SPOCK3: variants seen among roughly 807,000 people sequenced by gnomAD.
SPOCK3 encodes the protein SPARC (osteonectin), cwcv and kazal like domains proteoglycan 3.
SPOCK3 carries 30 observed loss-of-function variants against 56.6 expected under a neutral mutation model. That is an observed-to-expected ratio of 0.53 (90% CI 0.40 to 0.72). The LOEUF is 0.72. Among genes scored for constraint, SPOCK3 ranks in the 30% least tolerant of loss-of-function variants. The pLI is 0.00. For synonymous variants in SPOCK3, 196 were observed against 183.3 expected, an observed-to-expected ratio of 1.07 and a Z score of -0.56; for missense variants, 527 against 530.0, an observed-to-expected ratio of 0.99 and a Z score of 0.06.
At chr4:166,745,344 A>T (rs1243089335) in intron 8 of SPOCK3, among the ~76,000 whole-genome samples, 1 of 152,222 alleles carries the variant, frequency 6.6e-6, no homozygotes, top group African/African-American at 2.4e-5. Context: ...CAACATTCTT[A>T]AAGAAAAGTA....
At chr4:166,930,132 G>T (rs962340237) in intron 4 of SPOCK3, among the ~76,000 whole-genome samples, 2 of 151,662 alleles carry the variant, frequency 1.3e-5, no homozygotes, top group Non-Finnish European at 1.5e-5. Context: ...AGATATAATC[G>T]ACTGACTTTG....
At chr4:166,830,675 A>G in intron 6 of SPOCK3, among the ~76,000 whole-genome samples, 1 of 152,156 alleles carries the variant, frequency 6.6e-6, no homozygotes, top group Non-Finnish European at 1.5e-5. Flanking sequence ...TAGAGGTTGC[A>G]GTGAGCCAAG....
chr4:167,017,323 G>A (rs1349511252), intron 3 of SPOCK3, among the ~76,000 whole-genome samples: 1 of 152,062 alleles, frequency 6.6e-6, no homozygotes, highest in African/African-American at 2.4e-5. Flanking sequence ...AACCTTGGGA[G>A]GAGAGCTGCT....
At chr4:166,896,840 T>C (rs1052414426) in intron 5 of SPOCK3, among the ~76,000 whole-genome samples, 5 of 152,196 alleles carry the variant, frequency 3.3e-5, no homozygotes, top group Admixed American at 2.6e-4. Flanking sequence ...TAGGAACTTT[T>C]CCAACTACAT....
chr4:167,171,828 T>C (rs1730523810), intron 2 of SPOCK3, among the ~76,000 whole-genome samples: 1 of 150,886 alleles, frequency 6.6e-6, no homozygotes, highest in Non-Finnish European at 1.5e-5. Flanking sequence ...CTCTTGTACA[T>C]GGGACGAGAC....
At position 166,831,705 on chromosome 4, in the gene SPOCK3, A is replaced by AT. The variant is rs367782923; in HGVS notation, c.590-39417dup. 4.6e-3 allele frequency among the ~76,000 whole-genome samples: 433 copies of AT among 95,134 alleles called. 4 individuals are homozygous for AT. In the East Asian group the frequency reaches 0.065, roughly 14 times the overall value. The allele number at this position is 95,134 out of a possible 152,430, so 62.4% of individuals were successfully genotyped here. ...GTAGTCTTGTCTATTATATGGACCT[A>AT]TTTTTTTTTTTTTCGAAAACATCTT... On this transcript the variant is annotated intron_variant, in intron 6 of 10. Transcript: ENST00000357545.
At chr4:166,968,575 T>C (rs1228354296) in intron 4 of SPOCK3, among the ~76,000 whole-genome samples, 1 of 152,178 alleles carries the variant, frequency 6.6e-6, no homozygotes, top group Non-Finnish European at 1.5e-5. Context: ...GTGGCTTCCA[T>C]GTGATGTTGG....
chr4:167,101,687 A>T (rs1759659310), intron 2 of SPOCK3, among the ~76,000 whole-genome samples: 1 of 150,504 alleles, frequency 6.6e-6, no homozygotes. Context: ...AAGACTCACC[A>T]GTATCTTCAA....
At chr4:167,070,052 C>T (rs966859597) in intron 2 of SPOCK3, among the ~76,000 whole-genome samples, 1 of 152,074 alleles carries the variant, frequency 6.6e-6, no homozygotes. Flanking sequence ...AAAGCAACAA[C>T]CATCACTGTT....
chr4:167,228,306 A>T (rs1271068996), intron 2 of SPOCK3, among the ~76,000 whole-genome samples: 1 of 152,180 alleles, frequency 6.6e-6, no homozygotes, highest in African/African-American at 2.4e-5. Flanking sequence ...CAACATACAT[A>T]GAGTAATTTG....
chr4:167,094,386 G>T (rs573846024), intron 2 of SPOCK3, among the ~76,000 whole-genome samples: 2 of 151,856 alleles, frequency 1.3e-5, no homozygotes, highest in Non-Finnish European at 2.9e-5. Flanking sequence ...ATATTATCAA[G>T]TAAAAATCAA....
In SPOCK3 at chr4:166,734,666, A is replaced by G. The variant is rs1234112617; in HGVS notation, c.*255T>C. 2 of 315,932 alleles carry G rather than the reference A, an allele frequency of 6.3e-6. No individual in the cohort carries two copies. Among genetic ancestry groups the G allele is most frequent in the Non-Finnish European group, 1.1e-5 (2 of 175,342 alleles). The allele number at this position is 315,932 out of a possible 1,614,324, so 19.6% of individuals were successfully genotyped here. A position where few individuals can be genotyped will look rare whatever the true frequency, so the allele number is the denominator to read the frequency against. ...CTCGTGAAAAACTTATTATAGTAGC[A>G]CTTCAAAACTTTATTTTGTCTGACT... is the stretch of plus-strand genomic sequence containing the variant. On this transcript the variant is annotated 3_prime_UTR_variant, in exon 11 of 11. Coordinates refer to ENST00000357545, the MANE Select transcript of SPOCK3 (RefSeq NM_001040159.2).
intron 2 of SPOCK3, among the ~76,000 whole-genome samples, chr4:167,204,704 T>A (rs1188176620): frequency 6.6e-6 from 1 of 151,892 alleles, no homozygotes; most frequent in African/African-American, 2.4e-5. Flanking sequence ...TTTGGTTAAT[T>A]AGGCTTGAGT....
intron 4 of SPOCK3, among the ~76,000 whole-genome samples, chr4:166,974,972 A>C (rs1477400415): frequency 6.6e-6 from 1 of 152,200 alleles, no homozygotes; most frequent in Admixed American, 6.6e-5. Context: ...TAGATTAATC[A>C]ATTAACAATT....
intron 2 of SPOCK3, among the ~76,000 whole-genome samples, chr4:167,106,712 T>G (rs1459868372): frequency 1.2e-4 from 6 of 49,326 alleles, no homozygotes; most frequent in South Asian, 4.6e-4. Flanking sequence ...AAAAAGTTGT[T>G]TTTTTTTTTT....
chr4:166,767,135 A>C (rs1333333739), intron 7 of SPOCK3, among the ~76,000 whole-genome samples: 1 of 151,974 alleles, frequency 6.6e-6, no homozygotes, highest in South Asian at 2.1e-4. Context: ...TTTTCAAAAA[A>C]CCAGCTTCTG....
At chr4:167,130,425 A>G (rs938371764) in intron 2 of SPOCK3, among the ~76,000 whole-genome samples, 6 of 152,234 alleles carry the variant, frequency 3.9e-5, no homozygotes, top group African/African-American at 1.4e-4. Flanking sequence ...AATAAGAGGC[A>G]AAGTCAATAT....
intron 5 of SPOCK3, among the ~76,000 whole-genome samples, chr4:166,911,038 C>A (rs75800860): frequency 1.6e-4 from 25 of 152,106 alleles, no homozygotes; most frequent in Non-Finnish European, 2.5e-4. Context: ...TTCACTCTCC[C>A]TTGTACTGGC....
intron 6 of SPOCK3, among the ~76,000 whole-genome samples, chr4:166,888,145 G>A (rs1462822085): frequency 2.0e-5 from 3 of 151,814 alleles, no homozygotes; most frequent in African/African-American, 7.3e-5. Context: ...ATATTTATGT[G>A]GTACTTTAAT....
Sources: allele counts gnomAD v4.1 joint callset (sites outside exome capture counted in the v4.1 genomes callset), GRCh38; gene constraint gnomAD v4.1.1; transcripts MANE v1.5; gene names NCBI Gene and HGNC (gene_info 2026-07-23, HGNC 2026-07-21).